GTPBP8: variants seen among roughly 807,000 people sequenced by gnomAD.
GTPBP8 encodes the protein GTP binding protein 8.
A neutral mutation model predicts 27.3 loss-of-function variants in GTPBP8; 21 were observed. The observed-to-expected ratio is 0.77, with a 90% CI of 0.55 to 1.11. The LOEUF is 1.11. GTPBP8 is among the 50% of genes least tolerant of loss of function. The pLI is 0.00. For missense variants in GTPBP8, 380 were observed against 350.8 expected, an observed-to-expected ratio of 1.08 and a Z score of -0.67; for synonymous variants, 147 against 135.3, an observed-to-expected ratio of 1.09 and a Z score of -0.60.
At chr3:112,998,931 C>T (rs1389171062) in intron 4 of GTPBP8, among the ~76,000 whole-genome samples, 1 of 152,096 alleles carries the variant, frequency 6.6e-6, no homozygotes, top group South Asian at 2.1e-4. Flanking sequence ...ATACTTTGAC[C>T]TTTCTGCACT....
chr3:112,991,209 C>T lies in GTPBP8; in HGVS notation c.210C>T (p.Ile70=), dbSNP rs1933666075. 1.2e-6 allele frequency: 2 copies of T among 1,614,190 alleles called. No homozygotes were observed. Among genetic ancestry groups the T allele is most frequent in the Non-Finnish European group, 1.7e-6 (2 of 1,180,028 alleles). ...PYGRQDLHLR[I]FDPSPEDIAR... is the part of the protein sequence containing the mutation. Reference sequence around the variant, plus strand: ...GGAGGCAAGACCTTCACCTGCGTATCTTTGACCCAAGCCCGGAGGACATAG... The same window carrying T: ...GGAGGCAAGACCTTCACCTGCGTATTTTTGACCCAAGCCCGGAGGACATAG... The change falls in exon 1 of 6, where the codon ATC becomes ATT. Residue 70 remains isoleucine, a synonymous_variant. Transcript: ENST00000383678.
In GTPBP8 at chr3:112,991,243, GACA is replaced by G. The variant is rs1559709490; in HGVS notation, c.248_250del (p.Asn83del). 2.5e-6 allele frequency: 4 copies of G among 1,614,114 alleles called. No individual in the cohort carries two copies. Among genetic ancestry groups the G allele is most frequent in the Admixed American group, 1.7e-5 (1 of 60,034 alleles). ...AAGCCCGGAGGACATAGCCAGGGCGGACAACATCTTCACGGCCACTGAACGGAA... is the reference window on the plus strand; with the variant it reads ...AAGCCCGGAGGACATAGCCAGGGCGGACATCTTCACGGCCACTGAACGGAA... On this transcript the variant is annotated inframe_deletion, in exon 1 of 6. Coordinates refer to ENST00000383678, the MANE Select transcript of GTPBP8 (RefSeq NM_014170.4).
Position 112,993,099 on chromosome 3 carries a change from T to C in GTPBP8, c.410T>C (p.Val137Ala). 1 of 1,606,496 alleles carries C rather than the reference T, an allele frequency of 6.2e-7. No homozygotes were observed. Among genetic ancestry groups the C allele is most frequent in the Non-Finnish European group, 8.5e-7 (1 of 1,173,684 alleles). The change falls in exon 2 of 6, where the codon GTT becomes GCT. Residue 137 changes from valine to alanine, a missense_variant. Coordinates refer to ENST00000383678, the MANE Select transcript of GTPBP8 (RefSeq NM_014170.4). Reference protein sequence around the residue: ...IKALFSLAPEVEVRVSKKPGH... With the variant: ...IKALFSLAPEAEVRVSKKPGH... ...GCTTTATTTTCACTGGCCCCTGAGG[T>C]TGAAGTCAGAGTCTCCAAAAAACCA...
rs765462184 is a variant in GTPBP8 at position 112,991,272 on chromosome 3, C to G, written c.273C>G (p.Asn91Lys). The G allele has an allele frequency of 6.2e-7, 1 of 1,613,882 alleles. No individual in the cohort carries two copies. The highest frequency in any genetic ancestry group is 8.5e-7 in the Non-Finnish European group (1 of 1,180,046). Residue 91 changes from asparagine to lysine, a missense_variant, in exon 1 of 6, where the codon AAC becomes AAG. Asn to Lys is a moderately conservative substitution (Grantham distance 94). Coordinates refer to ENST00000383678, the MANE Select transcript of GTPBP8 (RefSeq NM_014170.4). ...ACATCTTCACGGCCACTGAACGGAA[C>G]CGCATCGACTACGTCAGCTCCGCCG... ...ADNIFTATER[N>K]RIDYVSSAVR... is the part of the protein sequence containing the mutation.
intron 5 of GTPBP8, among the ~76,000 whole-genome samples, chr3:113,000,008 C>G (rs1381699888): frequency 2.0e-5 from 3 of 152,082 alleles, no homozygotes; most frequent in Non-Finnish European, 4.4e-5. Context: ...TTTCTTTATC[C>G]ACTTGTTAGT....
At chr3:113,000,027 T>C (rs1417477235) in intron 5 of GTPBP8, among the ~76,000 whole-genome samples, 4 of 152,182 alleles carry the variant, frequency 2.6e-5, no homozygotes, top group Admixed American at 1.3e-4. Flanking sequence ...GTTGAATTGT[T>C]TTTATAACGT....
At chr3:112,994,297 C>G (rs1054920351) in intron 2 of GTPBP8, among the ~76,000 whole-genome samples, 5 of 151,988 alleles carry the variant, frequency 3.3e-5, no homozygotes, top group Non-Finnish European at 7.4e-5. Context: ...GTGGTGCATT[C>G]CTGTAATTCC....
chr3:112,991,325 C>G lies in GTPBP8; in HGVS notation c.326C>G (p.Pro109Arg). Residue 109 changes from proline to arginine, a missense_variant, in exon 1 of 6, where the codon CCG becomes CGG. Transcript: ENST00000383678. ...CGTATCGACCACGCCCCGGACCTTC[C>G]GCGGCCAGAGGTGAGAGGCGATTCT... ...AVRIDHAPDL[P>R]RPEVCFIGRS... 1.9e-6 allele frequency: 3 copies of G among 1,613,590 alleles called. No individual in the cohort carries two copies. Among genetic ancestry groups the G allele is most frequent in the Non-Finnish European group, 1.7e-6 (2 of 1,180,010 alleles).
At chr3:113,000,041 G>A (rs1265159302) in intron 5 of GTPBP8, among the ~76,000 whole-genome samples, 7 of 152,078 alleles carry the variant, frequency 4.6e-5, no homozygotes, top group Admixed American at 3.9e-4. Context: ...ATAACGTTAT[G>A]TACTGAAAAC....
intron 2 of GTPBP8, 109 bp downstream of exon 2, chr3:112,993,233 G>C (rs1933719079): frequency 3.2e-6 from 2 of 627,004 alleles, no homozygotes; most frequent in African/African-American, 1.9e-5. Context: ...CTAGAGAAGT[G>C]ATTTCTTTCA....
At chr3:112,991,966 T>G (rs890279380) in intron 1 of GTPBP8, 10 of 223,934 alleles carry the variant, frequency 4.5e-5, no homozygotes, top group Non-Finnish European at 8.1e-5. Flanking sequence ...TTATTGATAT[T>G]CTGTTCTAAG....
Position 113,001,000 on chromosome 3 carries a change from AAC to A in GTPBP8, c.*83_*84del. ...GGAGTTAAATACCTAGAAGAATTTC[AAC>A]ATTGTTTTAAATGTTGTGCATCTGT... On this transcript the variant is annotated 3_prime_UTR_variant, in exon 6 of 6. Coordinates refer to ENST00000383678, the MANE Select transcript of GTPBP8 (RefSeq NM_014170.4). 1.2e-6 allele frequency: 1 copy of A among 801,638 alleles called. No homozygotes were observed. The highest frequency in any genetic ancestry group is 2.5e-5 in the East Asian group (1 of 40,300). The allele number at this position is 801,638 out of a possible 1,614,324, so 49.7% of individuals were successfully genotyped here.
At chr3:112,999,219 T>C (rs1933844342) in intron 4 of GTPBP8, among the ~76,000 whole-genome samples, 1 of 152,248 alleles carries the variant, frequency 6.6e-6, no homozygotes, top group Non-Finnish European at 1.5e-5. Flanking sequence ...AAAGCACCAT[T>C]AAGCAGCAGA....
At position 112,990,996 on chromosome 3, in the gene GTPBP8, G is replaced by C; in HGVS notation, c.-4G>C. ...TCTCTCTGCCCGTCTTCTGGGAAGG[G>C]AGAATGGCGGCGCCCGGGCTGCGGC... On this transcript the variant is annotated 5_prime_UTR_variant, in exon 1 of 6. Coordinates refer to ENST00000383678, the MANE Select transcript of GTPBP8 (RefSeq NM_014170.4). 6.3e-7 allele frequency: 1 copy of C among 1,587,720 alleles called. No individual in the cohort carries two copies. The highest frequency in any genetic ancestry group is 8.6e-7 in the Non-Finnish European group (1 of 1,164,216).
intron 4 of GTPBP8, 96 bp from the exon 5 acceptor site, chr3:112,999,350 G>A (rs1441910805): frequency 1.6e-5 from 8 of 515,844 alleles, no homozygotes; most frequent in African/African-American, 7.9e-5. Context: ...AAATTTGCAC[G>A]GGTCACCTAG....
At chr3:113,000,562 C>CA (rs1449489194) in intron 5 of GTPBP8, among the ~76,000 whole-genome samples, 1 of 151,748 alleles carries the variant, frequency 6.6e-6, no homozygotes, top group Non-Finnish European at 1.5e-5. Context: ...ATATTTATTA[C>CA]AAAAAGAACA....
intron 2 of GTPBP8, among the ~76,000 whole-genome samples, chr3:112,993,413 T>C (rs962449197): frequency 6.6e-6 from 1 of 152,250 alleles, no homozygotes; most frequent in African/African-American, 2.4e-5. Context: ...TATTTCCTCC[T>C]ATAACAGTGA....
At chr3:112,999,878 T>C (rs1420922966) in intron 5 of GTPBP8, among the ~76,000 whole-genome samples, 2 of 152,184 alleles carry the variant, frequency 1.3e-5, no homozygotes, top group African/African-American at 4.8e-5. Context: ...ATTTGGCTTT[T>C]TATTCCTGAG....
rs1933762336 is a variant in GTPBP8 at position 112,995,252 on chromosome 3, A to G, written c.553A>G (p.Lys185Glu). ...DFVDMVETYL[K>E]ERRNLKRTFL... The stretch of plus-strand genomic sequence containing the variant: ...TGTTGACATGGTAGAGACCTATCTA[A>G]AAGAACGAAGGAAGTAAGGAAAAGA... Residue 185 changes from lysine (K) to glutamate (E), a missense_variant, in exon 3 of 6, where the codon AAA (lysine) becomes GAA (glutamate). By Grantham distance (56) the Lys-to-Glu change is moderately conservative. Transcript: ENST00000383678. The G allele has an allele frequency of 6.3e-7, 1 of 1,591,784 alleles. No individual in the cohort carries two copies. Among genetic ancestry groups the G allele is most frequent in the African/African-American group, 1.4e-5 (1 of 73,696 alleles).
Sources: allele counts gnomAD v4.1 joint callset (sites outside exome capture counted in the v4.1 genomes callset), GRCh38; gene constraint gnomAD v4.1.1; transcripts MANE v1.5; gene names NCBI Gene and HGNC (gene_info 2026-07-23, HGNC 2026-07-21).